HECW1: variants seen among roughly 807,000 people sequenced by gnomAD.
The protein encoded by HECW1 is E3 ubiquitin-protein ligase HECW1.
A neutral mutation model predicts 182.3 loss-of-function variants in HECW1; 61 were observed. The ratio of observed to expected loss-of-function variants is 0.33; its 90% confidence interval spans 0.27 to 0.41. HECW1 has a LOEUF of 0.41. HECW1 is among the 10% of genes least tolerant of loss of function. The pLI, the probability that HECW1 is intolerant of heterozygous loss-of-function variation, is 1.00. For synonymous variants in HECW1, 859 were observed against 832.6 expected, an observed-to-expected ratio of 1.03 and a Z score of -0.55; for missense variants, 1,739 against 2,108.9, an observed-to-expected ratio of 0.82 and a Z score of 3.44.
At chr7:43,267,896 A>C (rs1442128019) in intron 3 of HECW1, among the ~76,000 whole-genome samples, 4 of 152,322 alleles carry the variant, frequency 2.6e-5, no homozygotes, top group South Asian at 2.1e-4. Flanking sequence ...TATGAACATA[A>C]CTATAAAACT....
At chr7:43,369,378 A>T (rs1817035879) in intron 6 of HECW1, among the ~76,000 whole-genome samples, 1 of 152,128 alleles carries the variant, frequency 6.6e-6, no homozygotes, top group Non-Finnish European at 1.5e-5. Context: ...GAATCGCTTG[A>T]ACTCGGGAGG....
At chr7:43,556,347 C>T (rs1316067491) in intron 29 of HECW1, among the ~76,000 whole-genome samples, 1 of 152,148 alleles carries the variant, frequency 6.6e-6, no homozygotes, top group East Asian at 1.9e-4. Context: ...CCCGGAGCAA[C>T]ATCACAGGGG....
chr7:43,466,010 G>T (rs1297231805), intron 14 of HECW1, among the ~76,000 whole-genome samples: 1 of 98,092 alleles, frequency 1.0e-5, no homozygotes, highest in East Asian at 3.2e-4. Context: ...GGGGGGAGGA[G>T]GGAGGGACAG....
chr7:43,469,796 C>G (rs1422857638), intron 16 of HECW1, among the ~76,000 whole-genome samples: 2 of 152,202 alleles, frequency 1.3e-5, no homozygotes, highest in African/African-American at 4.8e-5. Context: ...CTTCTATGAA[C>G]TTTACCAGAG....
chr7:43,492,904 T>C (rs542762197), intron 18 of HECW1, among the ~76,000 whole-genome samples, 180 bp from the exon 19 acceptor site: 7 of 152,194 alleles, frequency 4.6e-5, no homozygotes, highest in Admixed American at 2.0e-4. Flanking sequence ...CCTTAAAAAA[T>C]TATAATGTTA....
intron 1 of HECW1, among the ~76,000 whole-genome samples, chr7:43,113,254 G>T (rs77797925): frequency 0.016 from 2,455 of 152,238 alleles, 67 homozygotes; most frequent in African/African-American, 0.056. Context: ...GCCCCTCAGC[G>T]CCCTCCCAGT....
chr7:43,330,547 T>A (rs913220791), intron 5 of HECW1, among the ~76,000 whole-genome samples: 2 of 152,062 alleles, frequency 1.3e-5, no homozygotes, highest in Middle Eastern at 3.2e-3. Flanking sequence ...AGAGAAACCA[T>A]CAAGAGCAAG....
chr7:43,293,696 G>A (rs977515805), intron 3 of HECW1, among the ~76,000 whole-genome samples: 4 of 152,156 alleles, frequency 2.6e-5, no homozygotes, highest in Non-Finnish European at 5.9e-5. Context: ...CCTCTAGTGT[G>A]GTGGTAGGAT....
intron 2 of HECW1, among the ~76,000 whole-genome samples, chr7:43,216,039 G>A (rs937396560): frequency 3.3e-5 from 5 of 152,188 alleles, no homozygotes; most frequent in African/African-American, 9.7e-5. Context: ...CCCTGAGTCA[G>A]GTAGAAGACA....
chr7:43,558,273 TCTTTGGGTTTAC>T (rs2082096381), intron 29 of HECW1, among the ~76,000 whole-genome samples: 2 of 151,904 alleles, frequency 1.3e-5, no homozygotes. Context: ...GAGGGGAGAA[TCTTTGGGTTTAC>T]CTTTGGGGCA....
At chr7:43,386,660 C>T (rs1562919441) in intron 6 of HECW1, among the ~76,000 whole-genome samples, 2 of 152,082 alleles carry the variant, frequency 1.3e-5, no homozygotes, top group Non-Finnish European at 2.9e-5. Flanking sequence ...TCTGCCCCAC[C>T]CACTTCCCCA....
chr7:43,198,517 CCA>C (rs1562663145), intron 2 of HECW1, among the ~76,000 whole-genome samples: 3 of 151,150 alleles, frequency 2.0e-5, no homozygotes, highest in Non-Finnish European at 3.0e-5. Context: ...TAGTCACACA[CCA>C]CAGACACCAC....
chr7:43,149,035 A>G (rs1273536234), intron 2 of HECW1, among the ~76,000 whole-genome samples: 6 of 152,176 alleles, frequency 3.9e-5, no homozygotes, highest in Non-Finnish European at 8.8e-5. Flanking sequence ...CAAAATTACC[A>G]TCAGAACACC....
chr7:43,327,961 A>ATATTATTATTATTAT lies in HECW1; in HGVS notation c.460+7235_460+7249dup, dbSNP rs4049927. Among the ~76,000 whole-genome samples the ATATTATTATTATTAT allele has an allele frequency of 4.2e-3, 617 of 146,198 alleles. 3 individuals are homozygous for ATATTATTATTATTAT. Among genetic ancestry groups the ATATTATTATTATTAT allele is most frequent in the African/African-American group, 0.015 (582 of 39,760 alleles). On this transcript the variant is annotated intron_variant, in intron 5 of 29. Transcript: ENST00000395891. ...ACTTTATGTAGTCTATGAACCATTT[A>ATATTATTATTATTAT]TATTATTATTATTATTATTATTATT... is the stretch of plus-strand genomic sequence containing the variant.
At chr7:43,278,966 T>C (rs566034049) in intron 3 of HECW1, among the ~76,000 whole-genome samples, 1 of 152,346 alleles carries the variant, frequency 6.6e-6, no homozygotes, top group East Asian at 1.9e-4. Flanking sequence ...CTGTCTGTGT[T>C]TGCTGCTGTA....
At chr7:43,222,654 CG>C (rs576063111) in intron 2 of HECW1, among the ~76,000 whole-genome samples, 301 of 152,228 alleles carry the variant, frequency 2.0e-3, no homozygotes, top group African/African-American at 6.9e-3. Context: ...TTGCTAACAC[CG>C]GAGTTTCAAA....
chr7:43,249,831 C>T (rs947794462), intron 3 of HECW1, among the ~76,000 whole-genome samples: 4 of 152,170 alleles, frequency 2.6e-5, no homozygotes, highest in African/African-American at 4.8e-5. Flanking sequence ...TCCTTTTCAG[C>T]AAGAACTAGA....
At chr7:43,437,379 A>G (rs2076746477) in intron 8 of HECW1, among the ~76,000 whole-genome samples, 1 of 152,216 alleles carries the variant, frequency 6.6e-6, no homozygotes, top group Non-Finnish European at 1.5e-5. Flanking sequence ...GTAATGCTCC[A>G]ATAAACATCC....
intron 3 of HECW1, among the ~76,000 whole-genome samples, chr7:43,301,294 G>A (rs1806744762): frequency 6.6e-6 from 1 of 152,178 alleles, no homozygotes; most frequent in Non-Finnish European, 1.5e-5. Context: ...GCTTAGATTG[G>A]ATTTCCCTCA....
Sources: allele counts gnomAD v4.1 joint callset (sites outside exome capture counted in the v4.1 genomes callset), GRCh38; gene constraint gnomAD v4.1.1; transcripts MANE v1.5; gene names NCBI Gene and HGNC (gene_info 2026-07-23, HGNC 2026-07-21).